The following SOCS2 variants were observed in gnomAD, a reference collection of about 807,000 sequenced individuals.
SOCS2 encodes the protein CIS-2.
A neutral mutation model predicts 18.6 loss-of-function variants in SOCS2; 10 were observed. The observed-to-expected ratio is 0.54, with a 90% CI of 0.33 to 0.91. SOCS2 has a LOEUF of 0.91. Among genes scored for constraint, SOCS2 ranks in the 40% least tolerant of loss-of-function variants. The pLI is 0.02. For missense variants in SOCS2, 231 were observed against 247.2 expected (o/e 0.93, Z 0.44); for synonymous variants, 104 against 104.0 (o/e 1.00, Z 0.00).
chr12:93,602,003 A>G, the SOCS2 span, among the ~76,000 whole-genome samples: 1 of 152,228 alleles, frequency 6.6e-6, no homozygotes, highest in Non-Finnish European at 1.5e-5. Flanking sequence ...ACAGTGTGTG[A>G]CTATAGACTC....
At chr12:93,587,652 G>A (rs1383062403), downstream of SOCS2, among the ~76,000 whole-genome samples, 6 of 149,948 alleles carry the variant, frequency 4.0e-5, no homozygotes, top group African/African-American at 1.5e-4. Flanking sequence ...CTGCACTGCA[G>A]CCTGGGTGAC....
chr12:93,613,590 A>C, the SOCS2 span, among the ~76,000 whole-genome samples: 4 of 152,338 alleles, frequency 2.6e-5, no homozygotes, highest in Non-Finnish European at 4.4e-5. Context: ...GAGAAGCTCA[A>C]ATGAAACAAC....
At chr12:93,616,254 G>A in the SOCS2 span, among the ~76,000 whole-genome samples, 7,902 of 152,266 alleles carry the variant, frequency 0.052, 446 homozygotes, top group African/African-American at 0.14. Flanking sequence ...GGGTTGCTGA[G>A]AGGATGAGAT....
the SOCS2 span, among the ~76,000 whole-genome samples, chr12:93,602,315 C>T: frequency 1.2e-4 from 19 of 152,118 alleles, no homozygotes; most frequent in African/African-American, 2.9e-4. Flanking sequence ...AGGCTGTTCT[C>T]GAACTCCTGA....
At chr12:93,625,438 G>T in the SOCS2 span, among the ~76,000 whole-genome samples, 1 of 152,226 alleles carries the variant, frequency 6.6e-6, no homozygotes, top group East Asian at 1.9e-4. Flanking sequence ...TCAGGATTCA[G>T]CCCTTCAAAG....
At chr12:93,618,032 A>C in the SOCS2 span, among the ~76,000 whole-genome samples, 1 of 152,298 alleles carries the variant, frequency 6.6e-6, no homozygotes. Flanking sequence ...CTCATGAATG[A>C]TTTAGCACTA....
At chr12:93,578,767 A>T (rs1954499557), downstream of SOCS2, among the ~76,000 whole-genome samples, 1 of 151,834 alleles carries the variant, frequency 6.6e-6, no homozygotes, top group Non-Finnish European at 1.5e-5. Context: ...CAGATATTTT[A>T]GTCTTAGGAT....
chr12:93,583,040 T>C (rs1188624065), exon 2 of SOCS2: 1 of 150,976 alleles, frequency 6.6e-6, no homozygotes, highest in Non-Finnish European at 1.5e-5. Flanking sequence ...TTTTTTATCC[T>C]GGTTAGAAGA....
chr12:93,587,862 G>T (rs1259700016), downstream of SOCS2, among the ~76,000 whole-genome samples: 4 of 152,164 alleles, frequency 2.6e-5, no homozygotes, highest in Non-Finnish European at 5.9e-5. Context: ...TGGTGGGCAG[G>T]GAACTGAGCA....
downstream of SOCS2, among the ~76,000 whole-genome samples, chr12:93,577,390 A>T (rs1182906610): frequency 1.3e-5 from 2 of 152,220 alleles, no homozygotes; most frequent in Non-Finnish European, 2.9e-5. Flanking sequence ...ATTGTGAACC[A>T]GGTTCTCACT....
the SOCS2 span, among the ~76,000 whole-genome samples, chr12:93,607,036 C>A: frequency 1.3e-5 from 2 of 152,144 alleles, no homozygotes; most frequent in Non-Finnish European, 1.5e-5. Flanking sequence ...GAACTGGGGA[C>A]CTAGACCAGG....
the SOCS2 span, among the ~76,000 whole-genome samples, chr12:93,624,031 G>A: frequency 2.0e-5 from 3 of 152,132 alleles, no homozygotes; most frequent in Non-Finnish European, 2.9e-5. Context: ...TCTTAATCAC[G>A]AATATTAATA....
At chr12:93,600,868 C>T in the SOCS2 span, among the ~76,000 whole-genome samples, 5 of 150,722 alleles carry the variant, frequency 3.3e-5, no homozygotes, top group Admixed American at 1.3e-4. Context: ...GGCTCACTGA[C>T]GACTTAACCT....
chr12:93,590,654 C>T, the SOCS2 span, among the ~76,000 whole-genome samples: 4 of 151,094 alleles, frequency 2.6e-5, no homozygotes, highest in African/African-American at 9.7e-5. Flanking sequence ...ATTAGCTGGG[C>T]GTGGTGGCAC....
At chr12:93,617,810 A>G in the SOCS2 span, among the ~76,000 whole-genome samples, 1 of 152,108 alleles carries the variant, frequency 6.6e-6, no homozygotes, top group South Asian at 2.1e-4. Context: ...ATCCATTTAC[A>G]TCTCTCCACT....
chr12:93,599,512 A>G, the SOCS2 span, among the ~76,000 whole-genome samples: 2 of 152,106 alleles, frequency 1.3e-5, no homozygotes, highest in Non-Finnish European at 2.9e-5. Context: ...CAGGTAAACA[A>G]TCCTTCGTTG....
At chr12:93,612,004 C>T in the SOCS2 span, among the ~76,000 whole-genome samples, 1 of 152,114 alleles carries the variant, frequency 6.6e-6, no homozygotes, top group East Asian at 1.9e-4. Flanking sequence ...ATTGAATTCT[C>T]AGTCAGGCCT....
the SOCS2 span, among the ~76,000 whole-genome samples, chr12:93,605,673 T>G: frequency 2.6e-5 from 4 of 152,230 alleles, no homozygotes; most frequent in African/African-American, 9.6e-5. Context: ...TGCATGCATT[T>G]CTATGGTATG....
the SOCS2 span, among the ~76,000 whole-genome samples, chr12:93,614,591 CTTTCTTTCTTTCTTTCTT>C: frequency 9.7e-6 from 1 of 103,208 alleles, no homozygotes; most frequent in Non-Finnish European, 1.9e-5. Flanking sequence ...TTCTTTCTTT[CTTTCTTTCTTTCTTTCTT>C]TCTTTCTTTC....
Sources: gnomAD v4.1 joint callset for allele counts (sites outside exome capture counted in the v4.1 genomes callset) on GRCh38, gnomAD v4.1.1 for gene constraint, MANE v1.5 for transcripts, NCBI Gene and HGNC (gene_info 2026-07-23, HGNC 2026-07-21) for gene names.